Variants in C13orf46 observed in about 807,000 individuals in gnomAD.
The protein encoded by C13orf46 is chromosome 13 open reading frame 46.
chr13:113,972,511 C>CG (rs1322672039), intron 1 of C13orf46, among the ~76,000 whole-genome samples: 1 of 152,156 alleles, frequency 6.6e-6, no homozygotes, highest in African/African-American at 2.4e-5. Context: ...GGGAGGGGAG[C>CG]GCCAGCTCGC....
the C13orf46 span, among the ~76,000 whole-genome samples, chr13:113,943,819 C>G: frequency 1.3e-5 from 2 of 152,174 alleles, no homozygotes; most frequent in African/African-American, 4.8e-5. Context: ...CTGGTGGGAG[C>G]CCTACCAGAC....
chr13:113,957,283 CTG>C (rs1491374027), intron 6 of C13orf46, among the ~76,000 whole-genome samples: 4 of 135,254 alleles, frequency 3.0e-5, no homozygotes, highest in African/African-American at 5.7e-5. Context: ...ATCAAGCACA[CTG>C]GGGGGTCTCC....
rs1042599741 is a variant in C13orf46, at chr13:113,966,420, T to C, written c.504+921A>G. ...TTAATGATGGTGATGATGATGATGATGTGATAATGATGGTGATGGTATTAA... is the reference window on the plus strand; with the variant it reads ...TTAATGATGGTGATGATGATGATGACGTGATAATGATGGTGATGGTATTAA... On this transcript the variant is annotated intron_variant, in intron 5 of 6. Transcript: ENST00000636427. 1.2e-3 allele frequency among the ~76,000 whole-genome samples: 183 copies of C among 149,122 alleles called. 1 individual carries two copies. Among genetic ancestry groups the C allele is most frequent in the Admixed American group, 2.5e-3 (38 of 15,020 alleles).
rs2052502254 is a variant in C13orf46 at position 113,954,177 on chromosome 13, G to A, written c.*2596C>T. 1 of 152,244 alleles carries A rather than the reference G, an allele frequency of 6.6e-6. No homozygotes were observed. Among genetic ancestry groups the A allele is most frequent in the Non-Finnish European group, 1.5e-5 (1 of 68,048 alleles). 9.4% of individuals were successfully genotyped at this position (152,244 alleles called of 1,614,324 possible). A position where few individuals can be genotyped will look rare whatever the true frequency, so the allele number is the denominator to read the frequency against. On this transcript the variant is annotated 3_prime_UTR_variant, in exon 7 of 7. Coordinates refer to ENST00000636427, the MANE Select transcript of C13orf46 (RefSeq NM_001365455.2). ...CTCTGCATTATCATGTGCACCACAG[G>A]GACGGCCCCCATGTGTCTCCACGGG...
At chr13:113,959,650 G>GCGA (rs1782346653) in intron 6 of C13orf46, among the ~76,000 whole-genome samples, 1 of 152,154 alleles carries the variant, frequency 6.6e-6, no homozygotes, top group African/African-American at 2.4e-5. Context: ...GCTTTCTAAG[G>GCGA]CTGTCACTGG....
At chr13:113,930,376 A>G in the C13orf46 span, among the ~76,000 whole-genome samples, 4 of 97,138 alleles carry the variant, frequency 4.1e-5, no homozygotes, top group African/African-American at 2.0e-4. Context: ...AGGAGCACCG[A>G]GGCGGGGGCG....
the C13orf46 span, among the ~76,000 whole-genome samples, chr13:113,934,793 G>A: frequency 2.0e-5 from 3 of 152,226 alleles, no homozygotes; most frequent in Admixed American, 6.5e-5. Flanking sequence ...GGGGTCACAC[G>A]GGAACTCCGC....
chr13:113,952,907 G>A (rs999347818), downstream of C13orf46, among the ~76,000 whole-genome samples: 1 of 152,204 alleles, frequency 6.6e-6, no homozygotes, highest in African/African-American at 2.4e-5. Flanking sequence ...GGCAGCCCCC[G>A]GCCTCAGCAG....
At chr13:113,966,186 G>GCGA (rs2052644942) in intron 5 of C13orf46, among the ~76,000 whole-genome samples, 1 of 148,298 alleles carries the variant, frequency 6.7e-6, no homozygotes, top group Non-Finnish European at 1.5e-5. Flanking sequence ...GATGATGATG[G>GCGA]TGATGATGGT....
rs1230500560 is a variant in C13orf46 at position 113,956,354 on chromosome 13, TGGAGAGGAGGAGC to T, written c.*406_*418del. On this transcript the variant is annotated 3_prime_UTR_variant, in exon 7 of 7. Transcript: ENST00000636427. Reference sequence around the variant, plus strand: ...TCTGGTGGAGAGGAGTAGTATCTGGTGGAGAGGAGGAGCATCTGGTGGAGAGGAGGAGCATCTG... The same window carrying T: ...TCTGGTGGAGAGGAGTAGTATCTGGTATCTGGTGGAGAGGAGGAGCATCTG... The T allele has an allele frequency of 0.29, 34,087 of 115,634 alleles. 5,492 individuals are homozygous for T. The highest frequency in any genetic ancestry group is 0.44 in the East Asian group (1,544 of 3,502). The allele number at this position is 115,634 out of a possible 1,614,324, so 7.2% of individuals were successfully genotyped here.
chr13:113,944,045 G>A, the C13orf46 span, among the ~76,000 whole-genome samples: 3 of 152,284 alleles, frequency 2.0e-5, no homozygotes, highest in African/African-American at 2.4e-5. Flanking sequence ...CAAGACGCAC[G>A]CTGCAGGTCA....
downstream of C13orf46, among the ~76,000 whole-genome samples, chr13:113,953,375 G>A (rs1048827459): frequency 1.3e-5 from 2 of 152,078 alleles, no homozygotes; most frequent in African/African-American, 2.4e-5. Context: ...TTTACCCCCC[G>A]TGGCAACAAT....
At chr13:113,927,437 T>A in the C13orf46 span, 1 of 397,696 alleles carries the variant, frequency 2.5e-6, no homozygotes, top group Non-Finnish European at 4.4e-6. Context: ...CAGGTTTGCA[T>A]TTCTTAGGTC....
At chr13:113,939,844 G>T in the C13orf46 span, among the ~76,000 whole-genome samples, 5 of 152,232 alleles carry the variant, frequency 3.3e-5, no homozygotes, top group Admixed American at 6.5e-5. Context: ...GAAGGCCAAA[G>T]GGATCATCCC....
At chr13:113,966,495 G>A (rs1336531615) in intron 5 of C13orf46, among the ~76,000 whole-genome samples, 1 of 151,430 alleles carries the variant, frequency 6.6e-6, no homozygotes, top group Non-Finnish European at 1.5e-5. Flanking sequence ...TGATGGTGAT[G>A]GTGATTATAA....
chr13:113,956,229 CGAG>C lies in C13orf46; in HGVS notation c.*541_*543del, dbSNP rs2052531818. 1 of 147,588 alleles carries C rather than the reference CGAG, an allele frequency of 6.8e-6. No homozygotes were observed. The allele number at this position is 147,588 out of a possible 1,614,324, so 9.1% of individuals were successfully genotyped here. ...CACCCGGTGGAGACGAGGAGCATCT[CGAG>C]GAGACGAGGAGCATCTCGACGAGAG... On this transcript the variant is annotated 3_prime_UTR_variant, in exon 7 of 7. Coordinates refer to ENST00000636427, the MANE Select transcript of C13orf46 (RefSeq NM_001365455.2).
chr13:113,971,136 G>C (rs949516853), intron 1 of C13orf46, among the ~76,000 whole-genome samples: 1 of 152,332 alleles, frequency 6.6e-6, no homozygotes, highest in East Asian at 1.9e-4. Flanking sequence ...AGCCGCATCG[G>C]AGCCGGGAAT....
At chr13:113,940,296 C>T in the C13orf46 span, among the ~76,000 whole-genome samples, 6 of 152,390 alleles carry the variant, frequency 3.9e-5, no homozygotes, top group East Asian at 3.9e-4. Flanking sequence ...CCGCCAAGCC[C>T]CCCACCCCCA....
At chr13:113,951,555 GCCCAGCCAGGCCCAGGC>G (rs1456029046), downstream of C13orf46, among the ~76,000 whole-genome samples, 11 of 152,030 alleles carry the variant, frequency 7.2e-5, no homozygotes, top group African/African-American at 2.4e-4. Flanking sequence ...GCATAGAGGG[GCCCAGCCAGGCCCAGGC>G]CCCAGCGCCT....
Sources: allele counts gnomAD v4.1 joint callset (sites outside exome capture counted in the v4.1 genomes callset), GRCh38; gene constraint gnomAD v4.1.1; transcripts MANE v1.5; gene names NCBI Gene and HGNC (gene_info 2026-07-23, HGNC 2026-07-21).